SGCD: variants seen among roughly 807,000 people sequenced by gnomAD.
The protein encoded by SGCD is sarcoglycan delta.
SGCD carries 18 observed loss-of-function variants against 36.6 expected under a neutral mutation model. That is an observed-to-expected ratio of 0.49 (90% CI 0.34 to 0.73). The LOEUF (loss-of-function observed/expected upper bound fraction) is 0.73. SGCD is among the 30% of genes least tolerant of loss of function. The pLI, the probability that SGCD is intolerant of heterozygous loss-of-function variation, is 0.01. For missense variants in SGCD, 387 were observed against 346.7 expected, an observed-to-expected ratio of 1.12 and a Z score of -0.92; for synonymous variants, 133 against 130.6, an observed-to-expected ratio of 1.02 and a Z score of -0.12.
intron 6 of SGCD, among the ~76,000 whole-genome samples, chr5:156,610,850 G>GAT (rs1302798475): frequency 2.0e-5 from 3 of 152,254 alleles, no homozygotes; most frequent in African/African-American, 7.2e-5. Flanking sequence ...CCAGGCGCAG[G>GAT]ATATAATCTC....
At chr5:156,188,801 T>TAACC (rs200393146) in intron 3 of SGCD, among the ~76,000 whole-genome samples, 2,484 of 152,166 alleles carry the variant, frequency 0.016, 34 homozygotes, top group Non-Finnish European at 0.026. Flanking sequence ...ACCGAGAGCG[T>TAACC]AACCACATCT....
intron 6 of SGCD, among the ~76,000 whole-genome samples, chr5:156,614,351 A>G (rs188449260): frequency 1.5e-4 from 23 of 152,318 alleles, no homozygotes; most frequent in Admixed American, 1.4e-3. Context: ...ATCTAAATCC[A>G]GGCAGTCTTC....
At chr5:156,392,868 C>T (rs1200883536) in intron 3 of SGCD, among the ~76,000 whole-genome samples, 3 of 152,172 alleles carry the variant, frequency 2.0e-5, no homozygotes, top group South Asian at 2.1e-4. Context: ...GCATTCCTCT[C>T]GACATCCAGC....
At chr5:155,980,704 T>C (rs1210056404) in intron 1 of SGCD, among the ~76,000 whole-genome samples, 1 of 150,924 alleles carries the variant, frequency 6.6e-6, no homozygotes, top group Non-Finnish European at 1.5e-5. Context: ...CAGGTGAACT[T>C]TGTTTTGGTA....
chr5:155,825,924 T>C, the SGCD span, among the ~76,000 whole-genome samples: 3 of 152,078 alleles, frequency 2.0e-5, no homozygotes, highest in Admixed American at 6.6e-5. Flanking sequence ...AATTTTTGTA[T>C]TTTTAGTAGA....
At chr5:156,450,371 G>A (rs1753953159) in intron 3 of SGCD, among the ~76,000 whole-genome samples, 1 of 152,034 alleles carries the variant, frequency 6.6e-6, no homozygotes, top group South Asian at 2.1e-4. Context: ...ATGCACACTG[G>A]ATAGGGGGCT....
chr5:155,787,403 G>T, the SGCD span, among the ~76,000 whole-genome samples: 2 of 152,046 alleles, frequency 1.3e-5, no homozygotes, highest in Non-Finnish European at 2.9e-5. Context: ...ACTATAAATC[G>T]CATATTATTG....
At chr5:156,382,462 C>T (rs1399688946) in intron 3 of SGCD, among the ~76,000 whole-genome samples, 2 of 152,142 alleles carry the variant, frequency 1.3e-5, no homozygotes, top group African/African-American at 4.8e-5. Context: ...TCTTTGGTGT[C>T]TTGATGTACT....
rs770713939 is a variant in SGCD at position 156,508,718 on chromosome 5, G to C, written c.294+16G>C. The C allele has an allele frequency of 7.1e-7, 1 of 1,406,586 alleles. No individual in the cohort carries two copies. The highest frequency in any genetic ancestry group is 1.0e-6 in the Non-Finnish European group (1 of 1,000,882). 87.1% of individuals were successfully genotyped at this position (1,406,586 alleles called of 1,614,324 possible). On this transcript the variant is annotated intron_variant, in intron 4 of 8. Coordinates refer to ENST00000337851, the MANE Select transcript of SGCD (RefSeq NM_000337.6). ...GTCCCGACCAGTAAGTTTCTGCTGAGAGAAGGAGGCATTATTGTTGCTCTA... is the reference window on the plus strand; with the variant it reads ...GTCCCGACCAGTAAGTTTCTGCTGACAGAAGGAGGCATTATTGTTGCTCTA...
intron 1 of SGCD, among the ~76,000 whole-genome samples, chr5:155,998,645 C>T (rs535279329): frequency 7.9e-5 from 12 of 152,168 alleles, no homozygotes; most frequent in Admixed American, 2.6e-4. Flanking sequence ...GCTGGCCATT[C>T]GGATGACTGC....
chr5:156,676,807 C>T (rs963039623), intron 7 of SGCD, among the ~76,000 whole-genome samples: 44 of 152,288 alleles, frequency 2.9e-4, no homozygotes, highest in African/African-American at 9.6e-4. Context: ...CACATAAATA[C>T]CACCCAACTG....
At chr5:155,898,415 T>C (rs1756316401) in intron 1 of SGCD, among the ~76,000 whole-genome samples, 1 of 152,156 alleles carries the variant, frequency 6.6e-6, no homozygotes, top group African/African-American at 2.4e-5. Flanking sequence ...TGCTAGGGAA[T>C]AGGGAGTTCA....
At chr5:156,478,070 G>A (rs1398874512) in intron 3 of SGCD, among the ~76,000 whole-genome samples, 1 of 152,006 alleles carries the variant, frequency 6.6e-6, no homozygotes, top group Non-Finnish European at 1.5e-5. Flanking sequence ...GGGTGCTGGA[G>A]TCAAGGGTAG....
In SGCD at chr5:156,637,884, C is replaced by T. The variant is rs985046100; in HGVS notation, c.503-9580C>T. Among the ~76,000 whole-genome samples, 7 of 152,052 alleles carry T rather than the reference C, an allele frequency of 4.6e-5. No homozygotes were observed. In the East Asian group the frequency reaches 1.2e-3, roughly 25 times the overall value. ...ATTTAAGTGTTTTAATGCTTTGAAA[C>T]CTTCAATTCTTTGTCCAGATTTCTA... On this transcript the variant is annotated intron_variant, in intron 6 of 8. Transcript: ENST00000337851.
At chr5:156,347,517 G>A (rs536236108) in intron 3 of SGCD, among the ~76,000 whole-genome samples, 1 of 152,214 alleles carries the variant, frequency 6.6e-6, no homozygotes, top group African/African-American at 2.4e-5. Flanking sequence ...TCTGGTTTTA[G>A]GATGGTGAGA....
At chr5:156,678,365 G>A (rs1561852960) in intron 7 of SGCD, among the ~76,000 whole-genome samples, 1 of 152,190 alleles carries the variant, frequency 6.6e-6, no homozygotes, top group Non-Finnish European at 1.5e-5. Context: ...GCAGTTATTG[G>A]AGGTAAAGTT....
chr5:156,670,813 A>T (rs540414084), intron 7 of SGCD, among the ~76,000 whole-genome samples: 1 of 152,176 alleles, frequency 6.6e-6, no homozygotes, highest in African/African-American at 2.4e-5. Context: ...GCTATGTGCC[A>T]TGTTGGGCTA....
Position 156,449,583 on chromosome 5 carries a change from G to A in SGCD, c.193-59018G>A, listed in dbSNP as rs548293261. Among the ~76,000 whole-genome samples, 18 of 149,238 alleles carry A rather than the reference G, an allele frequency of 1.2e-4. 1 individual carries two copies. The East Asian group carries it at 3.6e-3, about 30-fold the overall frequency. ...TTGGTAGCTCACGCCTGTAATCCCA[G>A]TACTTTGGGTGGCGGAAACGGGTGG... On this transcript the variant is annotated intron_variant, in intron 3 of 8. Transcript: ENST00000337851.
chr5:156,088,655 A>G (rs936152918), intron 1 of SGCD, among the ~76,000 whole-genome samples: 1 of 152,058 alleles, frequency 6.6e-6, no homozygotes. Flanking sequence ...GTGCACTGCT[A>G]TACTCGGCTA....
Sources: gnomAD v4.1 joint callset for allele counts (sites outside exome capture counted in the v4.1 genomes callset) on GRCh38, gnomAD v4.1.1 for gene constraint, MANE v1.5 for transcripts, NCBI Gene and HGNC (gene_info 2026-07-23, HGNC 2026-07-21) for gene names.